Variants in GNG3 observed in about 807,000 individuals in gnomAD.
GNG3 encodes the protein G protein subunit gamma 3, also known as guanine nucleotide-binding protein G(I)/G(S)/G(O) subunit gamma-3.
In GNG3, 4 loss-of-function variants were observed where a neutral mutation model predicts 5.6. The observed-to-expected ratio is 0.71, with a 90% confidence interval of 0.35 to 1.63. GNG3 has a LOEUF of 1.63. Ranked by LOEUF, GNG3 falls within the 40% of genes most tolerant of loss-of-function variation. GNG3 has a pLI of 0.05. For synonymous variants in GNG3, 30 were observed against 33.5 expected (o/e 0.89, Z 0.36); for missense variants, 62 against 96.6 (o/e 0.64, Z 1.50).
chr11:62,708,077 G>A, intron 1 of GNG3, 162 bp downstream of exon 1: 1 of 587,908 alleles, frequency 1.7e-6, no homozygotes, highest in East Asian at 2.8e-5. Flanking sequence ...ATGATCTGTG[G>A]CCCAGGCCAT....
intron 1 of GNG3, 159 bp from the exon 2 acceptor site, chr11:62,708,136 A>T: frequency 1.6e-6 from 1 of 643,066 alleles, no homozygotes; most frequent in South Asian, 1.8e-5. Flanking sequence ...TTCCATGAGG[A>T]ATACAGGGAT....
Position 62,708,961 on chromosome 11 carries a change from C to T in GNG3, c.*155C>T. 1 of 675,148 alleles carries T rather than the reference C, an allele frequency of 1.5e-6. No individual in the cohort carries two copies. The highest frequency in any genetic ancestry group is 2.6e-6 in the Non-Finnish European group (1 of 380,086). 41.8% of individuals were successfully genotyped at this position (675,148 alleles called of 1,614,324 possible). ...TCTGAAGCACAAGGCCCACCCTCAC[C>T]TATCTGTCGACCCCATTTCCTACCA... On this transcript the variant is annotated 3_prime_UTR_variant, in exon 3 of 3. Coordinates refer to ENST00000294117, the MANE Select transcript of GNG3 (RefSeq NM_012202.5).
chr11:62,708,483 T>C, intron 2 of GNG3, 89 bp downstream of exon 2: 1 of 1,228,942 alleles, frequency 8.1e-7, no homozygotes, highest in East Asian at 2.3e-5. Flanking sequence ...ATGCGTTCTT[T>C]CCTTCACTCC....
chr11:62,707,575 C>T (rs1416485281), upstream of GNG3: 4 of 581,650 alleles, frequency 6.9e-6, no homozygotes, highest in Admixed American at 6.0e-5. Flanking sequence ...GGGGGAGGGG[C>T]AGGCAGTGAA....
chr11:62,707,625 A>G (rs1005305189), upstream of GNG3: 4 of 497,172 alleles, frequency 8.0e-6, no homozygotes, highest in Non-Finnish European at 1.1e-5. Flanking sequence ...GCAGGCAGCT[A>G]GGCTCCCCCA....
chr11:62,708,392 A>C lies in GNG3; in HGVS notation c.97A>C (p.Lys33Gln). 1.9e-6 allele frequency: 3 copies of C among 1,608,120 alleles called. No individual in the cohort carries two copies. The highest frequency in any genetic ancestry group is 2.6e-6 in the Non-Finnish European group (3 of 1,174,624). ...LKIEASLCRI[K>Q]VSKAAADLMT... Reference sequence around the variant, plus strand: ...GATTGAAGCCAGCTTGTGTCGGATAAAGGTAGGTGGGACCCTGGCTGGCTC... The same window carrying C: ...GATTGAAGCCAGCTTGTGTCGGATACAGGTAGGTGGGACCCTGGCTGGCTC... The change falls in exon 2 of 3, where the codon AAG becomes CAG. Residue 33 changes from lysine to glutamine, a missense_variant and splice_region_variant. By Grantham distance (53) the Lys-to-Gln change is moderately conservative. Coordinates refer to ENST00000294117, the MANE Select transcript of GNG3 (RefSeq NM_012202.5).
upstream of GNG3, chr11:62,706,847 A>G (rs2083549135): frequency 3.3e-6 from 2 of 597,442 alleles, no homozygotes; most frequent in Non-Finnish European, 6.1e-6. Flanking sequence ...AACTGGATAC[A>G]CTCTCCCTCA....
In GNG3 at chr11:62,708,715, A is replaced by C. The variant is rs752442975; in HGVS notation, c.137A>C (p.Asp46Ala). ...KAAADLMTYCDAHACEDPLIT... is the reference protein window; with the variant it reads ...KAAADLMTYCAAHACEDPLIT... ...GCAGCAGACCTGATGACTTACTGTG[A>C]TGCCCACGCCTGTGAGGATCCCCTC... Residue 46 changes from aspartate to alanine, a missense_variant, in exon 3 of 3, where the codon GAT (aspartate) becomes GCT (alanine). By Grantham distance (126) the Asp-to-Ala change is moderately radical. Transcript: ENST00000294117. 1 of 1,614,050 alleles carries C rather than the reference A, an allele frequency of 6.2e-7. No individual in the cohort carries two copies. Among genetic ancestry groups the C allele is most frequent in the Non-Finnish European group, 8.5e-7 (1 of 1,179,928 alleles).
chr11:62,708,727 G>C lies in GNG3; in HGVS notation c.149G>C (p.Cys50Ser), dbSNP rs2083584839. The change falls in exon 3 of 3, where the codon TGT becomes TCT. Residue 50 changes from cysteine (C) to serine (S), a missense_variant. Physicochemically the swap from Cys to Ser is moderately radical, Grantham distance 112. This residue lies in a region of GNG3 where 58 missense variants were observed against 75.4 expected (regional missense o/e 0.77). Transcript: ENST00000294117. ...ATGACTTACTGTGATGCCCACGCCT[G>C]TGAGGATCCCCTCATCACCCCTGTG... The part of the protein sequence containing the change: ...DLMTYCDAHA[C>S]EDPLITPVPT... 1 of 1,613,972 alleles carries C rather than the reference G, an allele frequency of 6.2e-7. No individual in the cohort carries two copies. Among genetic ancestry groups the C allele is most frequent in the African/African-American group, 1.3e-5 (1 of 74,922 alleles).
chr11:62,706,801 C>T, upstream of GNG3: 2 of 575,722 alleles, frequency 3.5e-6, no homozygotes, highest in Non-Finnish European at 6.6e-6. Flanking sequence ...GTGCCCTGTT[C>T]CCAGCGTGGT....
intron 2 of GNG3, 93 bp downstream of exon 2, chr11:62,708,487 T>C: frequency 8.2e-7 from 1 of 1,226,264 alleles, no homozygotes; most frequent in South Asian, 1.2e-5. Context: ...GTTCTTTCCT[T>C]CACTCCCTGA....
chr11:62,707,276 G>T, upstream of GNG3: 1 of 1,196,544 alleles, frequency 8.4e-7, no homozygotes, highest in Non-Finnish European at 1.2e-6. Context: ...TCCAGACGCT[G>T]ATACCTGTGG....
At chr11:62,706,605 G>A, upstream of GNG3, 1 of 470,346 alleles carries the variant, frequency 2.1e-6, no homozygotes, top group Non-Finnish European at 4.4e-6. Flanking sequence ...ACAGCCCTCC[G>A]TGCACACCTT....
chr11:62,706,688 A>G (rs951229177), upstream of GNG3: 1 of 480,434 alleles, frequency 2.1e-6, no homozygotes, highest in African/African-American at 2.0e-5. Context: ...TTTATCGCCC[A>G]CAGCTCCTAG....
chr11:62,708,800 C>T lies in GNG3; in HGVS notation c.222C>T (p.Leu74=), dbSNP rs756315579. ...GGGAGAAGAAGTTCTTCTGTGCTCT[C>T]CTCTGAGCTCCCCTGTCCCTTCTCA... The part of the protein sequence containing the change: ...PFREKKFFCA[L]L Residue 74 remains leucine (L), a synonymous_variant, in exon 3 of 3, where the codon CTC becomes CTT. Transcript: ENST00000294117. The T allele has an allele frequency of 3.7e-6, 6 of 1,611,794 alleles. No homozygotes were observed. In the Admixed American group the frequency reaches 1.0e-4, roughly 27 times the overall value.
intron 2 of GNG3, 49 bp downstream of exon 2, chr11:62,708,443 GC>G (rs1324316459): frequency 1.4e-6 from 2 of 1,390,272 alleles, no homozygotes; most frequent in Non-Finnish European, 2.0e-6. Flanking sequence ...GCTGTGCTGT[GC>G]TGCAGGTTCC....
chr11:62,708,629 T>TCCCC, intron 2 of GNG3, 49 bp from the exon 3 acceptor site: 1 of 1,605,720 alleles, frequency 6.2e-7, no homozygotes, highest in Non-Finnish European at 8.5e-7. Flanking sequence ...GAGGCTGCAG[T>TCCCC]CCCCTTCAGA....
chr11:62,707,044 C>G, upstream of GNG3: 4 of 1,104,622 alleles, frequency 3.6e-6, no homozygotes, highest in Non-Finnish European at 5.2e-6. Flanking sequence ...ATCCCCCCGC[C>G]CCCTTCACGC....
upstream of GNG3, chr11:62,706,451 G>A (rs2083539442): frequency 2.4e-6 from 1 of 413,362 alleles, no homozygotes; most frequent in Non-Finnish European, 4.3e-6. Context: ...CCTTGCGCTC[G>A]CCACTGGCTC....
Sources: allele counts gnomAD v4.1 joint callset, GRCh38; gene constraint gnomAD v4.1.1; regional missense constraint gnomAD v4.1.1; transcripts MANE v1.5; gene names NCBI Gene and HGNC (gene_info 2026-07-23, HGNC 2026-07-21).